Variants in THRB observed in about 807,000 individuals in gnomAD.
THRB encodes thyroid hormone receptor beta.
A neutral mutation model predicts 47.8 loss-of-function variants in THRB; 12 were observed. The ratio of observed to expected loss-of-function variants is 0.25; its 90% CI spans 0.16 to 0.41. The LOEUF (loss-of-function observed/expected upper bound fraction) is 0.41. Among genes scored for constraint, THRB ranks in the 10% least tolerant of loss-of-function variants. THRB has a pLI of 1.00. For synonymous variants in THRB, 218 were observed against 212.2 expected, an observed-to-expected ratio of 1.03 and a Z score of -0.24; for missense variants, 348 against 589.2, an observed-to-expected ratio of 0.59 and a Z score of 4.24.
intron 5 of THRB, among the ~76,000 whole-genome samples, chr3:24,173,308 G>C (rs898371687): frequency 6.6e-6 from 1 of 152,160 alleles, no homozygotes; most frequent in Non-Finnish European, 1.5e-5. Context: ...GTCTTCTTCT[G>C]TTGGTTTTCT....
chr3:24,428,866 A>G (rs926565208), intron 1 of THRB, among the ~76,000 whole-genome samples: 25 of 144,244 alleles, frequency 1.7e-4, no homozygotes, highest in African/African-American at 4.9e-4. Flanking sequence ...AACTGAAAAA[A>G]TAAGAAGATT....
At chr3:24,475,126 C>T (rs924388110) in intron 1 of THRB, among the ~76,000 whole-genome samples, 6 of 152,082 alleles carry the variant, frequency 3.9e-5, no homozygotes, top group African/African-American at 1.4e-4. Flanking sequence ...CTTTCTACAA[C>T]TGTAACCATC....
chr3:24,199,279 T>TA (rs1238221318), intron 4 of THRB, among the ~76,000 whole-genome samples: 3 of 152,238 alleles, frequency 2.0e-5, no homozygotes, highest in Admixed American at 6.5e-5. Flanking sequence ...AACTATGCCT[T>TA]CAGAATATCT....
At chr3:24,287,215 G>A (rs923413730) in intron 3 of THRB, among the ~76,000 whole-genome samples, 5 of 151,898 alleles carry the variant, frequency 3.3e-5, no homozygotes, top group African/African-American at 7.3e-5. Flanking sequence ...CCTACCCAGC[G>A]CCTTCAGCTT....
intron 1 of THRB, among the ~76,000 whole-genome samples, chr3:24,479,036 C>T (rs534100697): frequency 2.0e-5 from 3 of 152,118 alleles, no homozygotes; most frequent in African/African-American, 4.8e-5. Flanking sequence ...CGGGGGTTAA[C>T]GCCTGTAATC....
At chr3:24,200,435 C>A (rs766910293) in intron 4 of THRB, among the ~76,000 whole-genome samples, 14 of 152,124 alleles carry the variant, frequency 9.2e-5, no homozygotes, top group Non-Finnish European at 1.5e-4. Flanking sequence ...AAATAAAAGA[C>A]AAAATATGAC....
At chr3:24,403,905 A>G (rs1323404308) in intron 1 of THRB, among the ~76,000 whole-genome samples, 1 of 151,996 alleles carries the variant, frequency 6.6e-6, no homozygotes, top group African/African-American at 2.4e-5. Context: ...CTGAGAAACA[A>G]ACTTTGATTT....
intron 1 of THRB, among the ~76,000 whole-genome samples, chr3:24,344,541 A>G (rs1031096412): frequency 2.0e-5 from 3 of 152,142 alleles, no homozygotes; most frequent in Non-Finnish European, 2.9e-5. Flanking sequence ...AACATTTGGA[A>G]AACTATCTAT....
chr3:24,330,313 C>CA (rs1223714670), intron 2 of THRB, among the ~76,000 whole-genome samples: 3 of 147,176 alleles, frequency 2.0e-5, no homozygotes, highest in Admixed American at 6.8e-5. Flanking sequence ...GACTCCGTCT[C>CA]AAATAAAAAA....
chr3:24,299,499 C>G lies in THRB; in HGVS notation c.-188-2128G>C, dbSNP rs2068393. 2.4e-3 allele frequency among the ~76,000 whole-genome samples: 368 copies of G among 151,974 alleles called. 2 individuals are homozygous for G. The highest frequency in any genetic ancestry group is 8.6e-3 in the African/African-American group (356 of 41,494). On this transcript the variant is annotated intron_variant, in intron 2 of 10. Transcript: ENST00000646209. ...ATTTGTAAGTGTCCTGTAGTTGGTACAGACCCGATGCTGTATCCTATACAA... is the reference window on the plus strand; with the variant it reads ...ATTTGTAAGTGTCCTGTAGTTGGTAGAGACCCGATGCTGTATCCTATACAA...
chr3:24,439,576 G>A (rs1013772060), intron 1 of THRB, among the ~76,000 whole-genome samples: 27 of 152,078 alleles, frequency 1.8e-4, no homozygotes, highest in African/African-American at 6.5e-4. Context: ...GACAACACAC[G>A]CAAAAGACTT....
At chr3:24,243,200 C>G (rs1335152543) in intron 3 of THRB, among the ~76,000 whole-genome samples, 2 of 151,896 alleles carry the variant, frequency 1.3e-5, no homozygotes, top group Non-Finnish European at 1.5e-5. Context: ...TTGAGAGCCA[C>G]TTAGGTTTAG....
chr3:24,328,164 C>T (rs2061706121), intron 2 of THRB, among the ~76,000 whole-genome samples: 1 of 152,124 alleles, frequency 6.6e-6, no homozygotes, highest in Non-Finnish European at 1.5e-5. Context: ...CATTCTTCTA[C>T]AATGCTAATG....
intron 5 of THRB, among the ~76,000 whole-genome samples, chr3:24,183,427 C>T (rs1467540001): frequency 4.1e-4 from 58 of 139,850 alleles, no homozygotes; most frequent in African/African-American, 1.5e-3. Context: ...AGTGCAATGG[C>T]GCTATCTTGG....
intron 1 of THRB, among the ~76,000 whole-genome samples, chr3:24,433,446 A>T (rs1019876469): frequency 6.6e-6 from 1 of 152,118 alleles, no homozygotes; most frequent in Non-Finnish European, 1.5e-5. Context: ...CCAAAAAATC[A>T]AGGAGATGTG....
chr3:24,410,631 AC>A (rs1369309271), intron 1 of THRB, among the ~76,000 whole-genome samples: 8 of 151,882 alleles, frequency 5.3e-5, no homozygotes, highest in African/African-American at 1.9e-4. Context: ...CATTATATTT[AC>A]ATAATGGCAG....
intron 1 of THRB, among the ~76,000 whole-genome samples, chr3:24,391,949 G>A (rs1040732247): frequency 2.6e-5 from 4 of 152,140 alleles, no homozygotes; most frequent in Non-Finnish European, 4.4e-5. Context: ...AATTCGCACA[G>A]GGCAGCCATG....
intron 4 of THRB, among the ~76,000 whole-genome samples, chr3:24,223,046 G>A (rs981790376): frequency 6.6e-6 from 1 of 152,182 alleles, no homozygotes; most frequent in Non-Finnish European, 1.5e-5. Flanking sequence ...GGAGCCGAGG[G>A]TCGTGTTGGC....
At chr3:24,449,091 G>T (rs1326786822) in intron 1 of THRB, among the ~76,000 whole-genome samples, 1 of 152,130 alleles carries the variant, frequency 6.6e-6, no homozygotes, top group Non-Finnish European at 1.5e-5. Flanking sequence ...CTAGTTAGAG[G>T]GTGATTTAAA....
Sources: allele counts gnomAD v4.1 joint callset (sites outside exome capture counted in the v4.1 genomes callset), GRCh38; gene constraint gnomAD v4.1.1; transcripts MANE v1.5; gene names NCBI Gene and HGNC (gene_info 2026-07-23, HGNC 2026-07-21).